The following GPC5 variants were observed in gnomAD, a reference collection of about 807,000 sequenced individuals.
GPC5 encodes the protein glypican-5.
A neutral mutation model predicts 53.9 loss-of-function variants in GPC5; 47 were observed. The observed-to-expected ratio is 0.87, with a 90% CI of 0.69 to 1.11. The LOEUF is 1.11. Among genes scored for constraint, GPC5 ranks in the 50% most tolerant of loss-of-function variants. The probability of loss-of-function intolerance (pLI) is 0.00; values close to 1 mark genes in which losing one functional copy is unlikely to be tolerated. For synonymous variants in GPC5, 286 were observed against 263.3 expected, an observed-to-expected ratio of 1.09 and a Z score of -0.84; for missense variants, 748 against 713.1, an observed-to-expected ratio of 1.05 and a Z score of -0.56.
chr13:92,269,501 G>C (rs1489388663), intron 7 of GPC5, among the ~76,000 whole-genome samples: 1 of 152,076 alleles, frequency 6.6e-6, no homozygotes, highest in Admixed American at 6.6e-5. Context: ...CGCCTCCCGG[G>C]TTCAAGCAAT....
intron 7 of GPC5, among the ~76,000 whole-genome samples, chr13:92,821,387 T>A (rs1877667063): frequency 6.6e-6 from 1 of 152,180 alleles, no homozygotes; most frequent in Admixed American, 6.6e-5. Context: ...TAATCATGTG[T>A]ATACTTCGCA....
intron 7 of GPC5, among the ~76,000 whole-genome samples, chr13:92,383,772 A>G (rs1401504284): frequency 6.6e-6 from 1 of 152,178 alleles, no homozygotes; most frequent in Non-Finnish European, 1.5e-5. Flanking sequence ...CTAATAAATT[A>G]TATTTTAACT....
intron 2 of GPC5, among the ~76,000 whole-genome samples, chr13:91,450,538 A>G (rs1445538864): frequency 6.6e-6 from 1 of 152,142 alleles, no homozygotes; most frequent in Non-Finnish European, 1.5e-5. Context: ...GAATATTTAG[A>G]CTTTTAAGAT....
intron 7 of GPC5, among the ~76,000 whole-genome samples, chr13:92,175,791 G>GAA (rs68046649): frequency 1.3e-5 from 2 of 148,356 alleles, no homozygotes; most frequent in African/African-American, 4.9e-5. Flanking sequence ...ATTCCTCAAA[G>GAA]AAAAAAAAAA....
intron 7 of GPC5, among the ~76,000 whole-genome samples, chr13:92,264,874 CTCTCTGTG>C (rs1482292624): frequency 6.9e-5 from 8 of 116,614 alleles, no homozygotes; most frequent in African/African-American, 2.0e-4. Flanking sequence ...CTCTCTCTCT[CTCTCTGTG>C]TGTGTGTGTG....
intron 7 of GPC5, among the ~76,000 whole-genome samples, chr13:92,702,275 G>A (rs9523783): frequency 0.53 from 80,330 of 151,864 alleles, 21,933 homozygotes; most frequent in East Asian, 0.82. Context: ...AAATCCATAT[G>A]CATGCTGATG....
At chr13:91,601,534 C>T (rs183851675) in intron 2 of GPC5, among the ~76,000 whole-genome samples, 72 of 152,270 alleles carry the variant, frequency 4.7e-4, no homozygotes, top group African/African-American at 1.5e-3. Context: ...GCAAGTGAAG[C>T]TTCATCTGTG....
chr13:92,751,302 TTAAAAAAAA>T (rs1345363635), intron 7 of GPC5, among the ~76,000 whole-genome samples: 23 of 34,426 alleles, frequency 6.7e-4, no homozygotes, highest in South Asian at 1.9e-3. Context: ...CCAGAAACAT[TTAAAAAAAA>T]AAAAAAAAAA....
chr13:92,492,880 C>A (rs539006155), intron 7 of GPC5, among the ~76,000 whole-genome samples: 1 of 152,296 alleles, frequency 6.6e-6, no homozygotes, highest in African/African-American at 2.4e-5. Flanking sequence ...CAAAATTCTC[C>A]TTGACTTCTT....
intron 7 of GPC5, among the ~76,000 whole-genome samples, chr13:92,608,184 G>A (rs1884315959): frequency 6.6e-6 from 1 of 152,136 alleles, no homozygotes; most frequent in Non-Finnish European, 1.5e-5. Context: ...TAAGTTTGGA[G>A]AGAGTCAAAA....
At chr13:92,364,667 T>C (rs2043594204) in intron 7 of GPC5, among the ~76,000 whole-genome samples, 2 of 151,610 alleles carry the variant, frequency 1.3e-5, no homozygotes, top group African/African-American at 4.9e-5. Context: ...GAGGCGGAGC[T>C]TGCAGTGAGC....
chr13:91,637,463 G>A (rs936216016), intron 2 of GPC5, among the ~76,000 whole-genome samples: 2 of 152,118 alleles, frequency 1.3e-5, no homozygotes, highest in East Asian at 1.9e-4. Flanking sequence ...TTATTTTATT[G>A]TGCTTACTGT....
chr13:91,619,839 T>C (rs1484447659), intron 2 of GPC5, among the ~76,000 whole-genome samples: 1 of 152,144 alleles, frequency 6.6e-6, no homozygotes, highest in Non-Finnish European at 1.5e-5. Flanking sequence ...AAATGTGTGC[T>C]TTAACATCAA....
At chr13:91,701,836 G>A (rs2035999930) in intron 3 of GPC5, among the ~76,000 whole-genome samples, 1 of 151,996 alleles carries the variant, frequency 6.6e-6, no homozygotes, top group African/African-American at 2.4e-5. Context: ...TGTAGCATAT[G>A]GTAGTTCTAT....
chr13:92,278,844 T>C (rs1019938920), intron 7 of GPC5, among the ~76,000 whole-genome samples: 6 of 152,074 alleles, frequency 3.9e-5, no homozygotes, highest in Admixed American at 2.0e-4. Context: ...TCATGGATGC[T>C]TGGGTTTATT....
At chr13:91,508,784 A>G (rs574462454) in intron 2 of GPC5, among the ~76,000 whole-genome samples, 2 of 152,342 alleles carry the variant, frequency 1.3e-5, no homozygotes, top group African/African-American at 4.8e-5. Flanking sequence ...TTTAAATGTA[A>G]AAAACTCTAT....
At chr13:91,657,059 C>T (rs1257211244) in intron 2 of GPC5, among the ~76,000 whole-genome samples, 1 of 152,118 alleles carries the variant, frequency 6.6e-6, no homozygotes, top group Non-Finnish European at 1.5e-5. Flanking sequence ...CTCTTGTACT[C>T]CTCCTGCAGG....
intron 7 of GPC5, among the ~76,000 whole-genome samples, chr13:92,533,208 T>A (rs943904630): frequency 6.6e-6 from 1 of 152,180 alleles, no homozygotes; most frequent in Non-Finnish European, 1.5e-5. Context: ...AAAATATGTA[T>A]GGTGAAAATA....
At chr13:92,146,765 G>T (rs1003946027) in intron 7 of GPC5, among the ~76,000 whole-genome samples, 5 of 152,054 alleles carry the variant, frequency 3.3e-5, no homozygotes, top group African/African-American at 1.2e-4. Context: ...ACAATGTTTG[G>T]TTTCCTGTTC....
Sources: gnomAD v4.1 joint callset for allele counts (sites outside exome capture counted in the v4.1 genomes callset) on GRCh38, gnomAD v4.1.1 for gene constraint, MANE v1.5 for transcripts, NCBI Gene and HGNC (gene_info 2026-07-23, HGNC 2026-07-21) for gene names.